ST6GALNAC6: variants seen among roughly 807,000 people sequenced by gnomAD.
The protein encoded by ST6GALNAC6 is ST6 N-acetylgalactosaminide alpha-2,6-sialyltransferase 6.
In ST6GALNAC6, 19 loss-of-function variants were observed where a neutral mutation model predicts 34.3. The ratio of observed to expected loss-of-function variants is 0.55; its 90% CI spans 0.39 to 0.81. ST6GALNAC6 has a LOEUF of 0.81. ST6GALNAC6 is among the 40% of genes least tolerant of loss of function. The pLI, the probability that ST6GALNAC6 is intolerant of heterozygous loss-of-function variation, is 0.00. For missense variants in ST6GALNAC6, 377 were observed against 467.7 expected (o/e 0.81, Z 1.79); for synonymous variants, 185 against 182.1 (o/e 1.02, Z -0.13).
chr9:127,898,163 G>C (rs1268413741), intron 1 of ST6GALNAC6, among the ~76,000 whole-genome samples, 153 bp from the exon 2 acceptor site: 2 of 152,048 alleles, frequency 1.3e-5, no homozygotes, highest in Admixed American at 6.6e-5. Context: ...GGGAGGCCGA[G>C]GTGGGCAGAT....
intron 2 of ST6GALNAC6, 92 bp from the exon 3 acceptor site, chr9:127,896,424 T>C: frequency 9.1e-7 from 1 of 1,093,216 alleles, no homozygotes; most frequent in Non-Finnish European, 1.3e-6. Flanking sequence ...CTAGTTCTTC[T>C]ATGCACCCAG....
chr9:127,901,891 C>T (rs560337903), upstream of ST6GALNAC6, among the ~76,000 whole-genome samples: 32 of 152,082 alleles, frequency 2.1e-4, no homozygotes, highest in Non-Finnish European at 3.4e-4. Flanking sequence ...GAGATCGTGC[C>T]GCTGCACTCC....
At chr9:127,904,803 G>GTAC (rs1325024952) in intron 1 of ST6GALNAC6, 1 of 152,372 alleles carries the variant, frequency 6.6e-6, no homozygotes, top group African/African-American at 2.4e-5. Flanking sequence ...GAACGAGGAA[G>GTAC]TACTGCCTCT....
intron 2 of ST6GALNAC6, chr9:127,896,882 G>T (rs1042846163): frequency 4.8e-5 from 47 of 985,118 alleles, no homozygotes; most frequent in Non-Finnish European, 4.8e-5. Context: ...GCCCACCCAG[G>T]TCCTCACTCA....
chr9:127,890,629 G>A lies in ST6GALNAC6; in HGVS notation c.704+8C>T. ...GCTGGCCAGAGGGGGCAGGCAGGAG[G>A]CTGGTACCTGTCCTTGCCCGTCTCA... On this transcript the variant is annotated splice_region_variant and intron_variant, in intron 5 of 6. Transcript: ENST00000373146. The surrounding 1 kb of genome is among the most constrained non-coding windows in gnomAD (Gnocchi z 4.3). The A allele has an allele frequency of 6.2e-7, 1 of 1,613,056 alleles. No individual in the cohort carries two copies. Among genetic ancestry groups the A allele is most frequent in the East Asian group, 2.2e-5 (1 of 44,880 alleles).
chr9:127,892,697 T>C (rs1371353552), intron 4 of ST6GALNAC6, among the ~76,000 whole-genome samples: 1 of 152,216 alleles, frequency 6.6e-6, no homozygotes, highest in African/African-American at 2.4e-5. Flanking sequence ...TTTTAAAATA[T>C]AGATAACATC....
intron 2 of ST6GALNAC6, chr9:127,897,300 G>A (rs763062813): frequency 4.1e-6 from 4 of 985,738 alleles, no homozygotes; most frequent in African/African-American, 3.5e-5. Flanking sequence ...TGGGGCTTAG[G>A]GGGCCCTCCT....
upstream of ST6GALNAC6, chr9:127,899,658 C>G (rs1014492637): frequency 2.0e-6 from 2 of 983,710 alleles, no homozygotes; most frequent in African/African-American, 3.5e-5. Flanking sequence ...CGGCCCAGGC[C>G]TGGGAGGTGG....
At chr9:127,903,263 C>G (rs1449984373), upstream of ST6GALNAC6, 4 of 152,092 alleles carry the variant, frequency 2.6e-5, no homozygotes, top group Admixed American at 2.6e-4. Flanking sequence ...TCCTAAAGTG[C>G]TGGGATTACA....
chr9:127,890,689 C>G lies in ST6GALNAC6; in HGVS notation c.652G>C (p.Gly218Arg). The G allele has an allele frequency of 6.2e-7, 1 of 1,613,474 alleles. No homozygotes were observed. Among genetic ancestry groups the G allele is most frequent in the Non-Finnish European group, 8.5e-7 (1 of 1,180,018 alleles). Residue 218 changes from glycine to arginine, a missense_variant, in exon 5 of 7, where the codon GGC becomes CGC. Physicochemically the swap from Gly to Arg is moderately radical, Grantham distance 125. Transcript: ENST00000373146. This position sits in a 1 kb window ranked among gnomAD's most constrained non-coding sequence, Gnocchi z 4.3. ...PNMEAYAVSPGRMRQFDDLFR... is the reference protein window; with the variant it reads ...PNMEAYAVSPRRMRQFDDLFR... Reference sequence around the variant, plus strand: ...AGGTCGTCAAATTGCCGCATGCGGCCGGGAGAGACGGCATATGCTTCCATG... The same window carrying G: ...AGGTCGTCAAATTGCCGCATGCGGCGGGGAGAGACGGCATATGCTTCCATG...
Position 127,887,589 on chromosome 9 carries a change from T to A in ST6GALNAC6, c.707A>T (p.Glu236Val). The A allele has an allele frequency of 6.2e-7, 1 of 1,608,684 alleles. No homozygotes were observed. The highest frequency in any genetic ancestry group is 8.5e-7 in the Non-Finnish European group (1 of 1,176,896). Residue 236 changes from glutamate to valine, a missense_variant and splice_region_variant, in exon 6 of 7, where the codon GAG becomes GTG. Physicochemically the swap from Glu to Val is moderately radical, Grantham distance 121. Coordinates refer to ENST00000373146, the MANE Select transcript of ST6GALNAC6 (RefSeq NM_013443.5). Reference protein sequence around the residue: ...LFRGETGKDREKSHSWLSTGW... With the variant: ...LFRGETGKDRVKSHSWLSTGW... ...TGTGCTCAACCACGAATGAGACTTC[T>A]CCCTGGGGATGGAGAGGGGTCACGA...
intron 5 of ST6GALNAC6, 57 bp from the exon 6 acceptor site, chr9:127,887,648 G>T: frequency 6.9e-7 from 1 of 1,441,438 alleles, no homozygotes; most frequent in South Asian, 1.2e-5. Flanking sequence ...GGGAGCAGGT[G>T]ACCCAGGGTC....
intron 2 of ST6GALNAC6, chr9:127,897,096 G>T: frequency 1.1e-6 from 1 of 906,930 alleles, no homozygotes; most frequent in Non-Finnish European, 1.3e-6. Flanking sequence ...TGGCTGGGGG[G>T]GCCTTTGGAA....
chr9:127,890,986 C>T lies in ST6GALNAC6; in HGVS notation c.355G>A (p.Gly119Ser). The part of the protein sequence containing the change: ...VIVSSSSHLL[G>S]TKLGPEIERA... The stretch of plus-strand genomic sequence containing the variant: ...TCGATCTCAGGGCCCAGCTTGGTGC[C>T]CAGCAGGTGGCTGGAGCTGCTGACA... Residue 119 changes from glycine to serine, a missense_variant, in exon 5 of 7, where the codon GGC (glycine) becomes AGC (serine). By Grantham distance (56) the Gly-to-Ser change is moderately conservative. Transcript: ENST00000373146. This position sits in a 1 kb window ranked among gnomAD's most constrained non-coding sequence, Gnocchi z 4.3. The T allele has an allele frequency of 6.2e-7, 1 of 1,614,086 alleles. No homozygotes were observed. The highest frequency in any genetic ancestry group is 8.5e-7 in the Non-Finnish European group (1 of 1,180,018).
chr9:127,898,004 T>C lies in ST6GALNAC6; in HGVS notation c.-23A>G, dbSNP rs200910395. 9.3e-5 allele frequency: 131 copies of C among 1,414,110 alleles called. 1 individual carries two copies. Among genetic ancestry groups the C allele is most frequent in the Middle Eastern group, 7.0e-4 (4 of 5,750 alleles). 87.6% of individuals were successfully genotyped at this position (1,414,110 alleles called of 1,614,324 possible). A position where few individuals can be genotyped will look rare whatever the true frequency, so the allele number is the denominator to read the frequency against. On this transcript the variant is annotated 5_prime_UTR_variant, in exon 2 of 7. Transcript: ENST00000373146. Reference sequence around the variant, plus strand: ...CATGTGACCTCTCTGAGCCTCAGTTTCCTCATCTGTGAAATGGGAACAATA... The same window carrying C: ...CATGTGACCTCTCTGAGCCTCAGTTCCCTCATCTGTGAAATGGGAACAATA...
chr9:127,890,558 G>A lies in ST6GALNAC6; in HGVS notation c.704+79C>T. 2 of 1,591,762 alleles carry A rather than the reference G, an allele frequency of 1.3e-6. No individual in the cohort carries two copies. Among genetic ancestry groups the A allele is most frequent in the Non-Finnish European group, 1.7e-6 (2 of 1,166,144 alleles). The stretch of plus-strand genomic sequence containing the variant: ...CTACCCCTCAGAGCAGTGCATGCTG[G>A]GAGCAACAGGCCCTCTGGATGGGGC... On this transcript the variant is annotated intron_variant, in intron 5 of 6. Coordinates refer to ENST00000373146, the MANE Select transcript of ST6GALNAC6 (RefSeq NM_013443.5). The surrounding 1 kb of genome is among the most constrained non-coding windows in gnomAD (Gnocchi z 4.3).
intron 1 of ST6GALNAC6, among the ~76,000 whole-genome samples, 153 bp from the exon 2 acceptor site, chr9:127,898,163 G>A (rs1268413741): frequency 2.6e-5 from 4 of 152,164 alleles, no homozygotes; most frequent in Middle Eastern, 3.4e-3. Context: ...GGGAGGCCGA[G>A]GTGGGCAGAT....
chr9:127,899,523 C>G lies in ST6GALNAC6; in HGVS notation c.-50G>C. 1.8e-5 allele frequency: 18 copies of G among 980,398 alleles called. No individual in the cohort carries two copies. Among genetic ancestry groups the G allele is most frequent in the Non-Finnish European group, 2.2e-5 (18 of 827,570 alleles). The allele number at this position is 980,398 out of a possible 1,614,324, so 60.7% of individuals were successfully genotyped here. ...CTCACCTCCGGCGGGGAGCGCCCGG[C>G]CCCCCGCGGCCCCCGAGCCCCCTCA... is the stretch of plus-strand genomic sequence containing the variant. On this transcript the variant is annotated 5_prime_UTR_variant, in exon 1 of 7. Coordinates refer to ENST00000373146, the MANE Select transcript of ST6GALNAC6 (RefSeq NM_013443.5).
chr9:127,905,428 G>A, upstream of ST6GALNAC6: 6 of 985,582 alleles, frequency 6.1e-6, no homozygotes, highest in Non-Finnish European at 7.2e-6. Context: ...CGAGGGTAGG[G>A]CCAGGTTAGA....
Sources: allele counts gnomAD v4.1 joint callset (sites outside exome capture counted in the v4.1 genomes callset), GRCh38; gene constraint gnomAD v4.1.1; non-coding constraint Gnocchi (gnomAD v3.1); transcripts MANE v1.5; gene names NCBI Gene and HGNC (gene_info 2026-07-23, HGNC 2026-07-21).